FARP1: variants seen among roughly 807,000 people sequenced by gnomAD.
FARP1 encodes the protein FERM, ARHGEF and pleckstrin domain-containing protein 1.
FARP1 carries 52 observed loss-of-function variants against 128.8 expected under a neutral mutation model. The observed-to-expected ratio is 0.40, with a 90% CI of 0.32 to 0.51. The LOEUF is 0.51. Among genes scored for constraint, FARP1 ranks in the 20% least tolerant of loss-of-function variants. The pLI is 0.45. For synonymous variants in FARP1, 580 were observed against 551.8 expected (o/e 1.05, Z -0.72); for missense variants, 1,333 against 1,367.9 (o/e 0.97, Z 0.40).
At chr13:98,287,300 G>A (rs182704754) in intron 2 of FARP1, among the ~76,000 whole-genome samples, 63 of 128,410 alleles carry the variant, frequency 4.9e-4, no homozygotes, top group Middle Eastern at 6.0e-3. Context: ...GCTCAGTCTC[G>A]GCCACTGCAA....
intron 5 of FARP1, among the ~76,000 whole-genome samples, chr13:98,371,275 A>G (rs7331135): frequency 0.031 from 3,774 of 121,388 alleles, 180 homozygotes; most frequent in African/African-American, 0.11. Flanking sequence ...GCACCTTTTC[A>G]ATTTTTGTGA....
At chr13:98,146,861 C>T (rs1479977615) in intron 1 of FARP1, among the ~76,000 whole-genome samples, 3 of 152,122 alleles carry the variant, frequency 2.0e-5, no homozygotes, top group Non-Finnish European at 4.4e-5. Flanking sequence ...TGGGAAGCAG[C>T]GGATCAACTT....
chr13:98,379,894 G>A (rs56404335), intron 6 of FARP1, among the ~76,000 whole-genome samples: 58,060 of 151,958 alleles, frequency 0.38, 13,099 homozygotes, highest in African/African-American at 0.65. Context: ...GAGAGGGCCA[G>A]CTGTATACCC....
At chr13:98,279,878 G>A (rs985068950) in intron 2 of FARP1, among the ~76,000 whole-genome samples, 3 of 152,080 alleles carry the variant, frequency 2.0e-5, no homozygotes, top group African/African-American at 7.2e-5. Flanking sequence ...TGTGGCCCCG[G>A]TACCAGGCGA....
intron 1 of FARP1, among the ~76,000 whole-genome samples, chr13:98,144,067 T>TTATTTTA (rs1555321087): frequency 2.6e-5 from 4 of 151,704 alleles, no homozygotes; most frequent in African/African-American, 9.7e-5. Flanking sequence ...AGGGCAAAGT[T>TTATTTTA]TTTTTTATTT....
intron 2 of FARP1, among the ~76,000 whole-genome samples, chr13:98,220,434 C>T (rs768685031): frequency 6.6e-6 from 1 of 152,192 alleles, no homozygotes; most frequent in Non-Finnish European, 1.5e-5. Context: ...GGGAACTTAG[C>T]ATGTTCACCC....
chr13:98,437,140 T>C (rs1443945030), intron 19 of FARP1, among the ~76,000 whole-genome samples: 3 of 152,164 alleles, frequency 2.0e-5, no homozygotes, highest in African/African-American at 7.2e-5. Flanking sequence ...TACATTTAAT[T>C]GAAGAGATGA....
intron 2 of FARP1, among the ~76,000 whole-genome samples, chr13:98,271,303 A>G (rs1420806513): frequency 6.6e-6 from 1 of 152,182 alleles, no homozygotes; most frequent in Non-Finnish European, 1.5e-5. Context: ...CTTTTTTCCA[A>G]GGACCCACTT....
intron 1 of FARP1, chr13:98,177,038 G>T: frequency 6.3e-7 from 1 of 1,594,018 alleles, no homozygotes; most frequent in East Asian, 2.2e-5. Context: ...TGGAGGCCCC[G>T]GGGCCTCGGT....
rs905852654 is a variant in FARP1, at chr13:98,448,722, G to A, written c.*405G>A. On this transcript the variant is annotated 3_prime_UTR_variant, in exon 27 of 27. Coordinates refer to ENST00000319562, the MANE Select transcript of FARP1 (RefSeq NM_005766.4). ...TCACCTATTGGCTGCTGCATTTTAC[G>A]AAGTGGACTTCCCGGTGTTTGTTTG... 2.7e-5 allele frequency: 4 copies of A among 149,166 alleles called. No homozygotes were observed. The highest frequency in any genetic ancestry group is 2.0e-4 in the South Asian group (1 of 5,030). 9.2% of individuals were successfully genotyped at this position (149,166 alleles called of 1,614,324 possible). A position where few individuals can be genotyped will look rare whatever the true frequency, so the allele number is the denominator to read the frequency against.
intron 1 of FARP1, among the ~76,000 whole-genome samples, chr13:98,201,421 C>T (rs1307921224): frequency 6.6e-6 from 1 of 152,190 alleles, no homozygotes; most frequent in Non-Finnish European, 1.5e-5. Context: ...TGCACTGCAG[C>T]CTGGGTGACA....
intron 24 of FARP1, among the ~76,000 whole-genome samples, chr13:98,444,941 C>T (rs576459644): frequency 1.6e-3 from 241 of 152,352 alleles, no homozygotes; most frequent in Non-Finnish European, 2.8e-3. Flanking sequence ...TTTCTTGTTC[C>T]TTTCTGCCAC....
intron 2 of FARP1, among the ~76,000 whole-genome samples, chr13:98,341,192 G>A (rs1319743632): frequency 6.6e-6 from 1 of 151,830 alleles, no homozygotes; most frequent in South Asian, 2.1e-4. Flanking sequence ...CATCTTTCTT[G>A]GCTCCTCTGT....
At chr13:98,416,078 C>T (rs1189401623) in intron 16 of FARP1, among the ~76,000 whole-genome samples, 1 of 152,208 alleles carries the variant, frequency 6.6e-6, no homozygotes, top group Non-Finnish European at 1.5e-5. Context: ...GAAATAATTC[C>T]AGAGAAAAGT....
At chr13:98,372,178 G>C (rs772694) in intron 5 of FARP1, among the ~76,000 whole-genome samples, 70,685 of 148,920 alleles carry the variant, frequency 0.47, 17,278 homozygotes, top group Non-Finnish European at 0.54. Context: ...CCTCCGCCTC[G>C]TAGGTTCAAG....
chr13:98,411,476 T>G (rs1213085563), intron 15 of FARP1, among the ~76,000 whole-genome samples: 1 of 152,192 alleles, frequency 6.6e-6, no homozygotes, highest in Non-Finnish European at 1.5e-5. Flanking sequence ...GGCTGTGGCT[T>G]TATTCCCAGG....
At position 98,202,579 on chromosome 13, in the gene FARP1, GTTCCTC is replaced by G. The variant is rs2139275587; in HGVS notation, c.-23-10637_-23-10632del. Among the ~76,000 whole-genome samples, 5 of 152,288 alleles carry G rather than the reference GTTCCTC, an allele frequency of 3.3e-5. No homozygotes were observed. The South Asian group carries it at 1.0e-3, about 32-fold the overall frequency. ...CATCTACCCGGCTTGATTGAAAGTA[GTTCCTC>G]TTCACTGTGATTTCATCTCACTCGA... On this transcript the variant is annotated intron_variant, in intron 1 of 26. Transcript: ENST00000319562.
intron 1 of FARP1, among the ~76,000 whole-genome samples, chr13:98,153,408 ATATG>A (rs1282704088): frequency 1.2e-5 from 1 of 83,618 alleles, no homozygotes; most frequent in Non-Finnish European, 3.0e-5. Context: ...TTATATATAA[ATATG>A]TATAATATGT....
chr13:98,302,984 G>A (rs1885985478), intron 2 of FARP1, among the ~76,000 whole-genome samples: 1 of 152,160 alleles, frequency 6.6e-6, no homozygotes, highest in Non-Finnish European at 1.5e-5. Context: ...TGGTCCTGGT[G>A]GAGTTTTCAT....
Sources: allele counts gnomAD v4.1 joint callset (sites outside exome capture counted in the v4.1 genomes callset), GRCh38; gene constraint gnomAD v4.1.1; transcripts MANE v1.5; gene names NCBI Gene and HGNC (gene_info 2026-07-23, HGNC 2026-07-21).